Variants in ADGRG6 observed in about 807,000 individuals in gnomAD.
The protein encoded by ADGRG6 is G-protein coupled receptor 126.
A neutral mutation model predicts 142.4 loss-of-function variants in ADGRG6; 84 were observed. The observed-to-expected ratio is 0.59, with a 90% confidence interval of 0.49 to 0.71. ADGRG6 has a LOEUF of 0.71. Ranked by LOEUF, ADGRG6 falls within the 30% of genes least tolerant of loss-of-function variation. ADGRG6 has a pLI of 0.00. For synonymous variants in ADGRG6, 521 were observed against 520.5 expected (o/e 1.00, Z -0.01); for missense variants, 1,367 against 1,466.6 (o/e 0.93, Z 1.11).
intron 10 of ADGRG6, among the ~76,000 whole-genome samples, chr6:142,398,628 T>C (rs1233176147): frequency 6.6e-6 from 1 of 152,180 alleles, no homozygotes; most frequent in Non-Finnish European, 1.5e-5. Flanking sequence ...CTGCTTCCTT[T>C]AGATACCCTT....
At chr6:142,368,826 A>T (rs879440254) in intron 3 of ADGRG6, among the ~76,000 whole-genome samples, 1 of 152,186 alleles carries the variant, frequency 6.6e-6, no homozygotes, top group Non-Finnish European at 1.5e-5. Context: ...AATATAGGAC[A>T]TTGGAAAACA....
At chr6:142,357,480 G>A (rs1040996627) in intron 2 of ADGRG6, among the ~76,000 whole-genome samples, 2 of 152,144 alleles carry the variant, frequency 1.3e-5, no homozygotes, top group Non-Finnish European at 2.9e-5. Flanking sequence ...TTACTAAGAT[G>A]TTTACATAAA....
At chr6:142,416,163 A>G in intron 20 of ADGRG6, 99 bp downstream of exon 20, 1 of 821,340 alleles carries the variant, frequency 1.2e-6, no homozygotes, top group South Asian at 1.8e-5. Context: ...AGTACCATTA[A>G]GAGGAACCTC....
intron 2 of ADGRG6, among the ~76,000 whole-genome samples, chr6:142,316,692 A>G (rs1177816119): frequency 6.6e-6 from 1 of 152,068 alleles, no homozygotes; most frequent in African/African-American, 2.4e-5. Context: ...CACTGGCCTT[A>G]TTGAATAGAG....
At chr6:142,440,319 C>T (rs1357627597) in intron 24 of ADGRG6, among the ~76,000 whole-genome samples, 1 of 152,070 alleles carries the variant, frequency 6.6e-6, no homozygotes, top group Non-Finnish European at 1.5e-5. Context: ...GACACAGGGT[C>T]TCGCTCTGTT....
rs1028990864 is a variant in ADGRG6, at chr6:142,342,218, C to A, written c.104-25351C>A. Among the ~76,000 whole-genome samples the A allele has an allele frequency of 5.3e-5, 8 of 152,106 alleles. No homozygotes were observed. In the South Asian group the frequency reaches 1.0e-3, roughly 20 times the overall value. On this transcript the variant is annotated intron_variant, in intron 2 of 24. Coordinates refer to ENST00000367609, the MANE Select transcript of ADGRG6 (RefSeq NM_198569.3). ...GTGTAACTGAATGGAAAAAAAAATT[C>A]TCCAGAGAGAGTGGAGAAAATTGTT...
chr6:142,404,146 TG>T, intron 14 of ADGRG6, 173 bp downstream of exon 14: 1 of 596,724 alleles, frequency 1.7e-6, no homozygotes, highest in Non-Finnish European at 2.9e-6. Flanking sequence ...GAGCTCAGAG[TG>T]GGTATGCTTT....
intron 23 of ADGRG6, 75 bp from the exon 24 acceptor site, chr6:142,438,137 C>A (rs1777576670): frequency 2.4e-6 from 2 of 840,784 alleles, no homozygotes; most frequent in African/African-American, 3.4e-5. Context: ...ATAAATAATG[C>A]AGTGATGATT....
chr6:142,320,907 A>C (rs573080444), intron 2 of ADGRG6, among the ~76,000 whole-genome samples: 143 of 152,160 alleles, frequency 9.4e-4, no homozygotes, highest in Middle Eastern at 3.4e-3. Context: ...AAGGCTGATA[A>C]ATTCTATATC....
intron 15 of ADGRG6, 118 bp from the exon 16 acceptor site, chr6:142,408,032 G>C (rs1775895600): frequency 1.6e-6 from 1 of 644,832 alleles, no homozygotes. Flanking sequence ...TAAACAGGAT[G>C]TTCTAGAACT....
intron 2 of ADGRG6, among the ~76,000 whole-genome samples, chr6:142,349,905 G>C (rs1245859612): frequency 6.6e-6 from 1 of 152,126 alleles, no homozygotes; most frequent in Non-Finnish European, 1.5e-5. Flanking sequence ...AAACTCTGTG[G>C]TTCCTCAAAA....
At chr6:142,417,670 A>G (rs1305575129) in intron 21 of ADGRG6, among the ~76,000 whole-genome samples, 1 of 152,168 alleles carries the variant, frequency 6.6e-6, no homozygotes, top group Non-Finnish European at 1.5e-5. Context: ...CACCTCCTCA[A>G]ACCCACCCAC....
intron 2 of ADGRG6, among the ~76,000 whole-genome samples, chr6:142,317,727 TA>T (rs1220417303): frequency 1.9e-5 from 2 of 107,014 alleles, no homozygotes; most frequent in East Asian, 4.5e-4. Flanking sequence ...TATTATATAT[TA>T]ATATATATTT....
chr6:142,363,039 T>C (rs1699238939), intron 2 of ADGRG6, among the ~76,000 whole-genome samples: 1 of 152,208 alleles, frequency 6.6e-6, no homozygotes, highest in Non-Finnish European at 1.5e-5. Context: ...CTGGAGATAA[T>C]TTTCACTGAC....
chr6:142,430,277 G>C (rs1014867226), intron 22 of ADGRG6, among the ~76,000 whole-genome samples: 2 of 152,114 alleles, frequency 1.3e-5, no homozygotes, highest in Admixed American at 1.3e-4. Flanking sequence ...TAATTCTGCT[G>C]AAAGTGTCAG....
At chr6:142,425,966 C>T (rs776575905) in intron 22 of ADGRG6, among the ~76,000 whole-genome samples, 8 of 152,166 alleles carry the variant, frequency 5.3e-5, no homozygotes, top group Non-Finnish European at 1.2e-4. Context: ...GACTTGCCCC[C>T]ATAATTCAAT....
At chr6:142,303,725 C>T (rs1777343052) in intron 1 of ADGRG6, among the ~76,000 whole-genome samples, 1 of 151,840 alleles carries the variant, frequency 6.6e-6, no homozygotes, top group Non-Finnish European at 1.5e-5. Context: ...AGGTATTTGC[C>T]CAGTTTTTTT....
rs755952122 is a variant in ADGRG6, at chr6:142,405,775, G to A, written c.2215G>A (p.Val739Ile). Residue 739 changes from valine (V) to isoleucine (I), a missense_variant, in exon 15 of 25, where the codon GTA becomes ATA. By Grantham distance (29) the Val-to-Ile change is conservative. Coordinates refer to ENST00000367609, the MANE Select transcript of ADGRG6 (RefSeq NM_198569.3). ...LLENLSPEDS[V>I]LVRRAQFTFF... is the part of the protein sequence containing the mutation. ...TGAGAATTTAAGTCCAGAAGATTCT[G>A]TATTAGTTAGAAGAGCACAGTTTAC... The A allele has an allele frequency of 1.7e-5, 27 of 1,607,014 alleles. No individual in the cohort carries two copies. The highest frequency in any genetic ancestry group is 2.3e-5 in the Non-Finnish European group (27 of 1,174,790).
At chr6:142,364,681 A>T (rs1170864028) in intron 2 of ADGRG6, among the ~76,000 whole-genome samples, 1 of 152,170 alleles carries the variant, frequency 6.6e-6, no homozygotes, top group Non-Finnish European at 1.5e-5. Context: ...CTTGTTAAAG[A>T]TTACACAGTC....
Sources: gnomAD v4.1 joint callset for allele counts (sites outside exome capture counted in the v4.1 genomes callset) on GRCh38, gnomAD v4.1.1 for gene constraint, MANE v1.5 for transcripts, NCBI Gene and HGNC (gene_info 2026-07-23, HGNC 2026-07-21) for gene names.